TMEM50B: variants seen among roughly 807,000 people sequenced by gnomAD.
TMEM50B encodes HCV p7-trans-regulated protein 3.
In TMEM50B, 14 loss-of-function variants were observed where a neutral mutation model predicts 23.4. The ratio of observed to expected loss-of-function variants is 0.60; its 90% confidence interval spans 0.39 to 0.93. The LOEUF is 0.93. Among genes scored for constraint, TMEM50B ranks in the 40% least tolerant of loss-of-function variants. The probability of loss-of-function intolerance (pLI) is 0.00; values close to 1 mark genes in which losing one functional copy is unlikely to be tolerated. For missense variants in TMEM50B, 159 were observed against 193.0 expected (o/e 0.82, Z 1.04); for synonymous variants, 64 against 62.3 (o/e 1.03, Z -0.13).
At chr21:33,462,893 C>T (rs2123439058) in intron 4 of TMEM50B, among the ~76,000 whole-genome samples, 1 of 152,336 alleles carries the variant, frequency 6.6e-6, no homozygotes. Flanking sequence ...ACATATTGTG[C>T]ACTTTAAACT....
intron 4 of TMEM50B, among the ~76,000 whole-genome samples, chr21:33,463,669 G>A (rs1279866906): frequency 1.3e-5 from 2 of 152,180 alleles, no homozygotes; most frequent in African/African-American, 4.8e-5. Context: ...AGCACTTTGG[G>A]AGGCTGATAG....
intron 6 of TMEM50B, among the ~76,000 whole-genome samples, chr21:33,452,110 C>T (rs1181142342): frequency 6.6e-6 from 1 of 152,234 alleles, no homozygotes; most frequent in Non-Finnish European, 1.5e-5. Flanking sequence ...TCTACCACCA[C>T]AAAGTGTTGA....
Position 33,479,954 on chromosome 21 carries a change from G to T in TMEM50B, c.-158C>A, listed in dbSNP as rs998273911. The T allele has an allele frequency of 6.6e-6, 1 of 152,224 alleles. No homozygotes were observed. The highest frequency in any genetic ancestry group is 1.5e-5 in the Non-Finnish European group (1 of 68,056). The allele number at this position is 152,224 out of a possible 1,614,324, so 9.4% of individuals were successfully genotyped here. ...CTCAGCCCCGGGAGCCCGGAGCTGG[G>T]AGCAGACGCGAGGATAGAGCGCCGG... On this transcript the variant is annotated 5_prime_UTR_variant, in exon 1 of 7. Coordinates refer to ENST00000542230, the MANE Select transcript of TMEM50B (RefSeq NM_006134.7).
chr21:33,442,992 T>C (rs907576308), intron 7 of TMEM50B, among the ~76,000 whole-genome samples: 3 of 152,002 alleles, frequency 2.0e-5, no homozygotes, highest in African/African-American at 4.8e-5. Context: ...TGAAATTAAA[T>C]AGTGGTATGA....
chr21:33,465,386 T>C lies in TMEM50B; in HGVS notation c.236A>G (p.Gln79Arg), dbSNP rs1230538389. 17 of 1,612,726 alleles carry C rather than the reference T, an allele frequency of 1.1e-5. No individual in the cohort carries two copies. In the South Asian group the frequency reaches 1.8e-4, roughly 17 times the overall value. The change falls in exon 4 of 7, where the codon CAG (glutamine) becomes CGG (arginine). Residue 79 changes from glutamine to arginine, a missense_variant. Physicochemically the swap from Gln to Arg is conservative, Grantham distance 43. Transcript: ENST00000542230. ...GCTTTCATAGCTATCACCTCTCACC[T>C]GAGCATTGGATACAGCATTTATCCT... ...FFMINAVSNA[Q>R]VRGDSYESGC...
chr21:33,464,113 C>T (rs928815232), intron 4 of TMEM50B, among the ~76,000 whole-genome samples: 1 of 152,142 alleles, frequency 6.6e-6, no homozygotes, highest in African/African-American at 2.4e-5. Flanking sequence ...CATGTTCAAT[C>T]CTGGCTCCAC....
At chr21:33,465,495 GATT>G in intron 3 of TMEM50B, 86 bp from the exon 4 acceptor site, 1 of 967,730 alleles carries the variant, frequency 1.0e-6, no homozygotes, top group East Asian at 2.7e-5. Context: ...ACGGAAAACA[GATT>G]ATTTCATAAC....
At chr21:33,479,375 C>A (rs1419539196) in intron 1 of TMEM50B, 1 of 152,304 alleles carries the variant, frequency 6.6e-6, no homozygotes, top group Non-Finnish European at 1.5e-5. Context: ...TCGGGGCAAA[C>A]GGGAGGGGCG....
intron 1 of TMEM50B, among the ~76,000 whole-genome samples, chr21:33,479,536 C>A (rs756851534): frequency 6.6e-6 from 1 of 152,210 alleles, no homozygotes; most frequent in Non-Finnish European, 1.5e-5. Context: ...TCCCCAGGAA[C>A]GCAACCTGAC....
intron 3 of TMEM50B, among the ~76,000 whole-genome samples, chr21:33,466,614 T>C (rs138130203): frequency 6.6e-6 from 1 of 152,304 alleles, no homozygotes; most frequent in African/African-American, 2.4e-5. Context: ...AGTTTTAAGA[T>C]ACACCATTAA....
intron 5 of TMEM50B, among the ~76,000 whole-genome samples, chr21:33,459,715 C>T (rs2843719): frequency 0.85 from 126,823 of 149,964 alleles, 54,162 homozygotes; most frequent in East Asian, 0.99. Flanking sequence ...GAGAAGGTGT[C>T]AATGAAACGA....
At chr21:33,453,383 C>A (rs531188987) in intron 6 of TMEM50B, among the ~76,000 whole-genome samples, 1 of 152,080 alleles carries the variant, frequency 6.6e-6, no homozygotes, top group African/African-American at 2.4e-5. Flanking sequence ...AGCCACCATG[C>A]CCAGCCGAGA....
chr21:33,446,257 G>C (rs1253655036), downstream of TMEM50B, among the ~76,000 whole-genome samples: 1 of 123,404 alleles, frequency 8.1e-6, no homozygotes, highest in Non-Finnish European at 1.7e-5. Flanking sequence ...ATTTTTTTTT[G>C]AGACAGTCTT....
chr21:33,439,585 G>C (rs2083990302), intron 7 of TMEM50B, among the ~76,000 whole-genome samples: 1 of 151,690 alleles, frequency 6.6e-6, no homozygotes, highest in Admixed American at 6.6e-5. Context: ...TCACTATGTT[G>C]GTCAGGCTGG....
chr21:33,434,382 C>T (rs79921263), intron 8 of TMEM50B, among the ~76,000 whole-genome samples: 56 of 152,046 alleles, frequency 3.7e-4, no homozygotes, highest in African/African-American at 1.0e-3. Context: ...ATTAGCCGGG[C>T]GTGGTGGTGG....
At chr21:33,460,696 C>T (rs796333902) in intron 4 of TMEM50B, among the ~76,000 whole-genome samples, 191 bp from the exon 5 acceptor site, 51 of 150,848 alleles carry the variant, frequency 3.4e-4, no homozygotes, top group African/African-American at 1.1e-3. Context: ...GAAGTTAAAC[C>T]ATACATGGAA....
chr21:33,437,982 CAA>C (rs61317224), intron 8 of TMEM50B, among the ~76,000 whole-genome samples: 55 of 96,586 alleles, frequency 5.7e-4, no homozygotes, highest in Non-Finnish European at 5.3e-4. Flanking sequence ...GACCCTATCT[CAA>C]AAAAAAAAAA....
chr21:33,471,374 G>T (rs2084314067), intron 1 of TMEM50B, among the ~76,000 whole-genome samples: 1 of 151,902 alleles, frequency 6.6e-6, no homozygotes, highest in Non-Finnish European at 1.5e-5. Context: ...GACATGCAAA[G>T]AACCAGGAAA....
intron 1 of TMEM50B, among the ~76,000 whole-genome samples, chr21:33,475,132 G>A (rs1312356592): frequency 6.6e-6 from 1 of 151,846 alleles, no homozygotes; most frequent in African/African-American, 2.4e-5. Flanking sequence ...TCACATGTTG[G>A]CCAGGCTGGT....
Sources: gnomAD v4.1 joint callset for allele counts (sites outside exome capture counted in the v4.1 genomes callset) on GRCh38, gnomAD v4.1.1 for gene constraint, MANE v1.5 for transcripts, NCBI Gene and HGNC (gene_info 2026-07-23, HGNC 2026-07-21) for gene names.